The following ERCC2 variants were observed in gnomAD, a reference collection of about 807,000 sequenced individuals.
The protein encoded by ERCC2 is ERCC excision repair 2, TFIIH core complex helicase subunit.
Under a neutral mutation model 99.4 loss-of-function variants are expected in ERCC2, and 90 were observed. The observed-to-expected ratio is 0.91, with a 90% CI of 0.76 to 1.08. ERCC2 has a LOEUF of 1.08. Among genes scored for constraint, ERCC2 ranks in the 50% least tolerant of loss-of-function variants. The pLI, the probability that ERCC2 is intolerant of heterozygous loss-of-function variation, is 0.00. For synonymous variants in ERCC2, 497 were observed against 432.4 expected (o/e 1.15, Z -1.85); for missense variants, 993 against 1,038.1 (o/e 0.96, Z 0.60).
At chr19:45,351,831 G>C in intron 22 of ERCC2, 110 bp from the exon 23 acceptor site, 2 of 957,950 alleles carry the variant, frequency 2.1e-6, no homozygotes, top group South Asian at 1.4e-5. Flanking sequence ...CAGGATGTTT[G>C]AATGAATTTG....
rs550364250 is a variant in ERCC2, at chr19:45,352,191, G to C, written c.2190+18C>G. 1.2e-6 allele frequency: 2 copies of C among 1,612,964 alleles called. No individual in the cohort carries two copies. The highest frequency in any genetic ancestry group is 1.7e-5 in the Admixed American group (1 of 59,972). ...AGCTCAGCCTGGGAGGGTGCCGGGAGGGGGACGCAGGCCTCACCCGGTGGA... is the reference window on the plus strand; with the variant it reads ...AGCTCAGCCTGGGAGGGTGCCGGGACGGGGACGCAGGCCTCACCCGGTGGA... On this transcript the variant is annotated intron_variant, in intron 22 of 22. Coordinates refer to ENST00000391945, the MANE Select transcript of ERCC2 (RefSeq NM_000400.4).
intron 5 of ERCC2, among the ~76,000 whole-genome samples, chr19:45,367,126 C>T (rs925090522): frequency 2.0e-5 from 3 of 151,976 alleles, no homozygotes; most frequent in South Asian, 2.1e-4. Flanking sequence ...ATCACAAGGT[C>T]GGGAGTTAGA....
chr19:45,358,601 G>C, intron 12 of ERCC2: 1 of 499,732 alleles, frequency 2.0e-6, no homozygotes, highest in Non-Finnish European at 3.6e-6. Context: ...AGCAGGCTCA[G>C]TCCCCCCAGG....
rs545079534 is a variant in ERCC2 at position 45,368,865 on chromosome 19, G to A, written c.246+65C>T. On this transcript the variant is annotated intron_variant, in intron 4 of 22. Coordinates refer to ENST00000391945, the MANE Select transcript of ERCC2 (RefSeq NM_000400.4). Reference sequence around the variant, plus strand: ...CCCCCGAAAGCTGGTGACGGCCACCGCCAGGGGGACCAATAGGGCCTAGGG... The same window carrying A: ...CCCCCGAAAGCTGGTGACGGCCACCACCAGGGGGACCAATAGGGCCTAGGG... 1.4e-5 allele frequency: 22 copies of A among 1,588,822 alleles called. No individual in the cohort carries two copies. In the East Asian group the frequency reaches 2.0e-4, roughly 15 times the overall value.
At chr19:45,364,729 A>C in intron 7 of ERCC2, 109 bp downstream of exon 7, 1 of 1,233,270 alleles carries the variant, frequency 8.1e-7, no homozygotes, top group South Asian at 1.2e-5. Context: ...AGGGAGATGC[A>C]GACAGGCAGA....
At chr19:45,356,026 A>G (rs552342754) in intron 15 of ERCC2, among the ~76,000 whole-genome samples, 52 of 152,302 alleles carry the variant, frequency 3.4e-4, no homozygotes, top group African/African-American at 1.3e-3. Context: ...CATTGCACAA[A>G]TGACCTGGGC....
In ERCC2 at chr19:45,351,436, T is replaced by C; in HGVS notation, c.*193A>G. The C allele has an allele frequency of 6.3e-7, 1 of 1,588,042 alleles. No homozygotes were observed. The highest frequency in any genetic ancestry group is 8.5e-7 in the Non-Finnish European group (1 of 1,170,308). ...GGCTGGTGGGGTGAGAGGGGGTCTA[T>C]CATCTCCTGGCCCCCCCTTGCCTCT... On this transcript the variant is annotated 3_prime_UTR_variant, in exon 23 of 23. Coordinates refer to ENST00000391945, the MANE Select transcript of ERCC2 (RefSeq NM_000400.4).
intron 5 of ERCC2, among the ~76,000 whole-genome samples, chr19:45,367,843 G>T (rs1972482169): frequency 6.6e-6 from 1 of 150,862 alleles, no homozygotes; most frequent in Admixed American, 6.6e-5. Context: ...ATAATTTAAT[G>T]ATAACTAATA....
At chr19:45,358,492 C>T (rs1599734491) in intron 12 of ERCC2, 4 of 316,024 alleles carry the variant, frequency 1.3e-5, no homozygotes, top group Non-Finnish European at 2.4e-5. Flanking sequence ...CCTAGGGAAA[C>T]CTGAGTCCCT....
chr19:45,352,110 A>C (rs1971819538), intron 22 of ERCC2, 99 bp downstream of exon 22: 1 of 1,349,306 alleles, frequency 7.4e-7, no homozygotes, highest in Non-Finnish European at 1.0e-6. Context: ...GGGCAGGAGG[A>C]CAGGCAGGCT....
In ERCC2 at chr19:45,368,765, G is replaced by A. The variant is rs377567118; in HGVS notation, c.247-22C>T. 8.2e-6 allele frequency: 13 copies of A among 1,591,476 alleles called. No individual in the cohort carries two copies. The African/African-American group carries it at 1.3e-4, about 16-fold the overall frequency. ...TCACCTACTCCAAAGTTGGGGGGCA[G>A]GGGGAGCTTGTGCTCATTGGAGGCA... On this transcript the variant is annotated intron_variant, in intron 4 of 22. Coordinates refer to ENST00000391945, the MANE Select transcript of ERCC2 (RefSeq NM_000400.4).
In ERCC2 at chr19:45,352,366, C is replaced by A; in HGVS notation, c.2047-14G>T. ...ACGGGCAAACCGCTGTGGGCAGAAGCGCAGGCCAGGGACAGAAGGTCATTC... is the reference window on the plus strand; with the variant it reads ...ACGGGCAAACCGCTGTGGGCAGAAGAGCAGGCCAGGGACAGAAGGTCATTC... On this transcript the variant is annotated splice_polypyrimidine_tract_variant and intron_variant, in intron 21 of 22. Transcript: ENST00000391945. 8 of 1,613,868 alleles carry A rather than the reference C, an allele frequency of 5.0e-6. No homozygotes were observed. The highest frequency in any genetic ancestry group is 6.8e-6 in the Non-Finnish European group (8 of 1,179,978).
intron 17 of ERCC2, among the ~76,000 whole-genome samples, chr19:45,354,256 T>C (rs1270596604): frequency 6.6e-6 from 1 of 152,184 alleles, no homozygotes; most frequent in Non-Finnish European, 1.5e-5. Flanking sequence ...GTTTCCAGAA[T>C]GCCCCACGAC....
At chr19:45,357,452 G>A (rs1226511334) in intron 14 of ERCC2, 22 bp downstream of exon 14, 1 of 1,613,304 alleles carries the variant, frequency 6.2e-7, no homozygotes, top group Non-Finnish European at 8.5e-7. Context: ...GGGACTAGGA[G>A]GGGACGGGGA....
At chr19:45,369,218 T>C in intron 2 of ERCC2, 71 bp from the exon 3 acceptor site, 1 of 1,255,218 alleles carries the variant, frequency 8.0e-7, no homozygotes, top group South Asian at 1.2e-5. Flanking sequence ...CTGGGGACTC[T>C]CCCCGACCCC....
At chr19:45,354,702 G>C in intron 17 of ERCC2, 28 bp downstream of exon 17, 7 of 1,612,958 alleles carry the variant, frequency 4.3e-6, no homozygotes, top group Non-Finnish European at 5.9e-6. Flanking sequence ...GAGGAGAGCA[G>C]GTGCAGGGAG....
At chr19:45,354,668 CAT>C (rs1266047856) in intron 17 of ERCC2, 60 bp downstream of exon 17, 2 of 1,604,934 alleles carry the variant, frequency 1.2e-6, no homozygotes, top group African/African-American at 1.3e-5. Flanking sequence ...ATGAAGCTGA[CAT>C]AGCGGTGCAG....
chr19:45,351,358 CGT>C lies in ERCC2; in HGVS notation c.*269_*270del. The C allele has an allele frequency of 6.2e-7, 1 of 1,610,666 alleles. No individual in the cohort carries two copies. Among genetic ancestry groups the C allele is most frequent in the Non-Finnish European group, 8.5e-7 (1 of 1,180,006 alleles). On this transcript the variant is annotated 3_prime_UTR_variant, in exon 23 of 23. Transcript: ENST00000391945. ...CACCCAGGACCTGAGCCCCCACTAA[CGT>C]CCAGTGAACTGCGCTGGCCGCAGCT...
At chr19:45,358,526 G>A (rs1216457226) in intron 12 of ERCC2, 4 of 362,638 alleles carry the variant, frequency 1.1e-5, no homozygotes, top group Admixed American at 8.3e-5. Context: ...TCACCTCCCC[G>A]CCCCAAGAAG....
Sources: gnomAD v4.1 joint callset for allele counts (sites outside exome capture counted in the v4.1 genomes callset) on GRCh38, gnomAD v4.1.1 for gene constraint, MANE v1.5 for transcripts, NCBI Gene and HGNC (gene_info 2026-07-23, HGNC 2026-07-21) for gene names.